Variants in OSBPL9 observed in about 807,000 individuals in gnomAD.
OSBPL9 encodes oxysterol binding protein like 9.
OSBPL9 carries 40 observed loss-of-function variants against 106.6 expected under a neutral mutation model. That is an observed-to-expected ratio of 0.38 (90% CI 0.29 to 0.49). OSBPL9 has a LOEUF of 0.49. Among genes scored for constraint, OSBPL9 ranks in the 20% least tolerant of loss-of-function variants. The pLI is 0.97. For missense variants in OSBPL9, 609 were observed against 887.2 expected, an observed-to-expected ratio of 0.69 and a Z score of 3.98; for synonymous variants, 269 against 295.4, an observed-to-expected ratio of 0.91 and a Z score of 0.92.
At chr1:51,577,321 CT>C (rs762583157) in intron 1 of OSBPL9, 1,403 of 129,878 alleles carry the variant, frequency 0.011, 13 homozygotes, top group African/African-American at 0.035. Context: ...TTTTTCTTTT[CT>C]TTTTTTTTTT....
intron 4 of OSBPL9, among the ~76,000 whole-genome samples, chr1:51,714,804 A>C (rs1299027855): frequency 6.6e-6 from 1 of 152,128 alleles, no homozygotes; most frequent in African/African-American, 2.4e-5. Flanking sequence ...TCAAATCCTG[A>C]CCAGTCACAA....
At chr1:51,607,215 G>A (rs1429240208) in intron 2 of OSBPL9, among the ~76,000 whole-genome samples, 1 of 144,506 alleles carries the variant, frequency 6.9e-6, no homozygotes, top group African/African-American at 2.6e-5. Flanking sequence ...TGAGGCTGGA[G>A]TGCAGTGGCA....
chr1:51,682,585 C>G (rs1422824555), intron 3 of OSBPL9, among the ~76,000 whole-genome samples: 1 of 151,862 alleles, frequency 6.6e-6, no homozygotes, highest in Non-Finnish European at 1.5e-5. Context: ...TGGTGAAACC[C>G]CATCTCTACT....
chr1:51,636,588 T>C (rs1645465812), intron 1 of OSBPL9, among the ~76,000 whole-genome samples: 1 of 151,994 alleles, frequency 6.6e-6, no homozygotes, highest in South Asian at 2.1e-4. Context: ...TCCTCCTGGC[T>C]CGGCCTCCCA....
At chr1:51,518,829 C>T in the OSBPL9 span, among the ~76,000 whole-genome samples, 1 of 151,752 alleles carries the variant, frequency 6.6e-6, no homozygotes, top group Non-Finnish European at 1.5e-5. Context: ...ACCTGGGATG[C>T]GTGCGGCCCT....
chr1:51,724,793 G>T, intron 4 of OSBPL9: 1 of 230,344 alleles, frequency 4.3e-6, no homozygotes, highest in Non-Finnish European at 8.6e-6. Flanking sequence ...CTCCAGAAAG[G>T]TTCTAAAGAG....
chr1:51,713,078 G>A (rs1660384591), intron 3 of OSBPL9, among the ~76,000 whole-genome samples: 1 of 152,098 alleles, frequency 6.6e-6, no homozygotes, highest in African/African-American at 2.4e-5. Context: ...CATTGTTGGT[G>A]GGCCCTGGCT....
At chr1:51,525,791 C>T in the OSBPL9 span, among the ~76,000 whole-genome samples, 1 of 152,218 alleles carries the variant, frequency 6.6e-6, no homozygotes, top group Non-Finnish European at 1.5e-5. Context: ...ATTTACATCA[C>T]CCAGCTGCAG....
intron 1 of OSBPL9, among the ~76,000 whole-genome samples, chr1:51,622,977 A>G (rs1644535870): frequency 6.6e-6 from 1 of 152,234 alleles, no homozygotes; most frequent in Non-Finnish European, 1.5e-5. Context: ...GGAGAGTGAA[A>G]AGGGATGCCA....
At chr1:51,669,294 C>T (rs1649288372) in intron 2 of OSBPL9, 140 bp from the exon 3 acceptor site, 2 of 679,666 alleles carry the variant, frequency 2.9e-6, no homozygotes, top group African/African-American at 1.8e-5. Context: ...TTAAGCAAAA[C>T]TAGAGTCTCA....
chr1:51,687,245 C>T (rs1343615939), intron 3 of OSBPL9, among the ~76,000 whole-genome samples: 2 of 152,150 alleles, frequency 1.3e-5, no homozygotes, highest in African/African-American at 4.8e-5. Context: ...CAGGGGGTCT[C>T]AGTTTGATAG....
intron 12 of OSBPL9, 74 bp downstream of exon 12, chr1:51,766,055 G>A: frequency 2.2e-6 from 3 of 1,388,844 alleles, no homozygotes; most frequent in South Asian, 3.1e-5. Context: ...TTTGAGACTA[G>A]TGTTAATGAC....
intron 3 of OSBPL9, among the ~76,000 whole-genome samples, chr1:51,673,029 G>C (rs1485082621): frequency 6.6e-6 from 1 of 152,170 alleles, no homozygotes; most frequent in Non-Finnish European, 1.5e-5. Flanking sequence ...AATAAATGTT[G>C]AGAGAAAAGA....
At chr1:51,738,160 G>A (rs948629532) in intron 4 of OSBPL9, among the ~76,000 whole-genome samples, 5 of 152,002 alleles carry the variant, frequency 3.3e-5, no homozygotes, top group Non-Finnish European at 5.9e-5. Flanking sequence ...GACCTTTATT[G>A]TTTAGTTGTA....
chr1:51,649,947 T>C (rs1211742700), intron 1 of OSBPL9, among the ~76,000 whole-genome samples: 1 of 152,038 alleles, frequency 6.6e-6, no homozygotes, highest in Non-Finnish European at 1.5e-5. Flanking sequence ...TGGTCATGGC[T>C]CACTGCAGCC....
At chr1:51,624,771 G>T (rs1272980138) in intron 1 of OSBPL9, among the ~76,000 whole-genome samples, 1 of 152,094 alleles carries the variant, frequency 6.6e-6, no homozygotes, top group Non-Finnish European at 1.5e-5. Flanking sequence ...CCTGAGCCTA[G>T]CTCATATACT....
chr1:51,653,641 A>C (rs981738684), intron 2 of OSBPL9, among the ~76,000 whole-genome samples: 8 of 152,144 alleles, frequency 5.3e-5, no homozygotes, highest in African/African-American at 2.4e-5. Context: ...TGTATCCCTA[A>C]GTCCTATAGT....
At chr1:51,689,043 C>T (rs1230025319) in intron 3 of OSBPL9, among the ~76,000 whole-genome samples, 2 of 152,168 alleles carry the variant, frequency 1.3e-5, no homozygotes, top group Non-Finnish European at 2.9e-5. Context: ...GATTATAATG[C>T]AGAAATACCT....
chr1:51,718,234 G>T (rs1661432620), intron 4 of OSBPL9, among the ~76,000 whole-genome samples: 1 of 152,034 alleles, frequency 6.6e-6, no homozygotes, highest in Admixed American at 6.5e-5. Flanking sequence ...AAGTGTAGGG[G>T]GAGTGGGGAT....
Sources: allele counts gnomAD v4.1 joint callset (sites outside exome capture counted in the v4.1 genomes callset), GRCh38; gene constraint gnomAD v4.1.1; transcripts MANE v1.5; gene names NCBI Gene and HGNC (gene_info 2026-07-23, HGNC 2026-07-21).